Variants in NRG2 observed in about 807,000 individuals in gnomAD.
NRG2 encodes pro-neuregulin-2, membrane-bound isoform.
In NRG2, 27 loss-of-function variants were observed where a neutral mutation model predicts 73.9. The ratio of observed to expected loss-of-function variants is 0.37; its 90% CI spans 0.27 to 0.50. The LOEUF is 0.50. Ranked by LOEUF, NRG2 falls within the 20% of genes least tolerant of loss-of-function variation. NRG2 has a pLI of 0.96. For missense variants in NRG2, 1,126 were observed against 1,210.1 expected (o/e 0.93, Z 1.03); for synonymous variants, 532 against 541.0 (o/e 0.98, Z 0.23).
At chr5:140,013,632 GCAAA>G (rs2126649571) in intron 1 of NRG2, among the ~76,000 whole-genome samples, 1 of 152,236 alleles carries the variant, frequency 6.6e-6, no homozygotes, top group African/African-American at 2.4e-5. Context: ...CACCTTTGTA[GCAAA>G]CTTGCAATAA....
intron 5 of NRG2, chr5:139,861,614 C>A (rs1762148295): frequency 6.7e-6 from 3 of 445,426 alleles, no homozygotes; most frequent in Non-Finnish European, 1.4e-5. Context: ...TGGGGAGTGA[C>A]CTTGACGTTT....
intron 3 of NRG2, among the ~76,000 whole-genome samples, chr5:139,875,104 C>T (rs1049270137): frequency 4.6e-5 from 7 of 152,190 alleles, no homozygotes; most frequent in East Asian, 1.9e-4. Context: ...CTCTGCCTCC[C>T]GGGTTCAAGC....
intron 1 of NRG2, among the ~76,000 whole-genome samples, chr5:139,990,066 G>A (rs957064955): frequency 1.8e-4 from 27 of 151,768 alleles, no homozygotes; most frequent in Admixed American, 3.9e-4. Context: ...GGGATTACAG[G>A]CGTGAGCCAC....
intron 1 of NRG2, among the ~76,000 whole-genome samples, chr5:139,898,054 G>A (rs1315895704): frequency 6.6e-6 from 1 of 152,258 alleles, no homozygotes; most frequent in African/African-American, 2.4e-5. Context: ...ATTGAGCACT[G>A]AGCACATTTC....
Position 139,904,287 on chromosome 5 carries a change from G to A in NRG2, c.701-16776C>T, listed in dbSNP as rs915201375. ...TTCTCCCAGGGAAACCGGGTTTCTG[G>A]GCGCGCGGAGGTGCCCTACCTTTCT... On this transcript the variant is annotated intron_variant, in intron 1 of 9. Coordinates refer to ENST00000361474, the MANE Select transcript of NRG2 (RefSeq NM_004883.3). The surrounding 1 kb of genome is among the most constrained non-coding windows in gnomAD (Gnocchi z 6.0). 10 of 1,583,654 alleles carry A rather than the reference G, an allele frequency of 6.3e-6. No individual in the cohort carries two copies. The Middle Eastern group carries it at 1.3e-3, about 204-fold the overall frequency.
At chr5:140,010,186 T>C (rs1021377502) in intron 1 of NRG2, among the ~76,000 whole-genome samples, 2 of 152,086 alleles carry the variant, frequency 1.3e-5, no homozygotes, top group Non-Finnish European at 2.9e-5. Flanking sequence ...TAATCCCAGC[T>C]ACTTGGGAAA....
At chr5:139,978,204 G>A (rs563196925) in intron 1 of NRG2, among the ~76,000 whole-genome samples, 214 of 152,256 alleles carry the variant, frequency 1.4e-3, no homozygotes, top group African/African-American at 4.9e-3. Context: ...ATCTGACAAA[G>A]GGCTAATATC....
rs748615118 is a variant in NRG2 at position 139,904,425 on chromosome 5, G to A, written c.701-16914C>T. On this transcript the variant is annotated intron_variant, in intron 1 of 9. Transcript: ENST00000361474. This position sits in a 1 kb window ranked among gnomAD's most constrained non-coding sequence, Gnocchi z 6.0. ...TGCACGGGGTCCCAGGCGGTGGGACGGCCTCAGCTCTCCGCTGCCGCGCTG... is the reference window on the plus strand; with the variant it reads ...TGCACGGGGTCCCAGGCGGTGGGACAGCCTCAGCTCTCCGCTGCCGCGCTG... 1.2e-5 allele frequency: 17 copies of A among 1,365,332 alleles called. No individual in the cohort carries two copies. The East Asian group carries it at 2.9e-4, about 24-fold the overall frequency. 84.6% of individuals were successfully genotyped at this position (1,365,332 alleles called of 1,614,324 possible). A position where few individuals can be genotyped will look rare whatever the true frequency, so the allele number is the denominator to read the frequency against.
At chr5:139,884,010 TC>T (rs1425856166) in intron 2 of NRG2, among the ~76,000 whole-genome samples, 1 of 152,042 alleles carries the variant, frequency 6.6e-6, no homozygotes, top group Non-Finnish European at 1.5e-5. Context: ...GCTAGAACCA[TC>T]CAAAAGGTCT....
rs1316777338 is a variant in NRG2 at position 139,904,542 on chromosome 5, C to T, written c.701-17031G>A. 1 of 502,686 alleles carries T rather than the reference C, an allele frequency of 2.0e-6. No homozygotes were observed. The highest frequency in any genetic ancestry group is 3.5e-6 in the Non-Finnish European group (1 of 286,928). 31.1% of individuals were successfully genotyped at this position (502,686 alleles called of 1,614,324 possible). On this transcript the variant is annotated intron_variant, in intron 1 of 9. Coordinates refer to ENST00000361474, the MANE Select transcript of NRG2 (RefSeq NM_004883.3). The surrounding 1 kb of genome is among the most constrained non-coding windows in gnomAD (Gnocchi z 6.0). ...GGGGGAGGGGAGCAGCGAGCCTTAA[C>T]TCTTCCCCTCCCGCGCCCTCCACCC... is the stretch of plus-strand genomic sequence containing the variant.
At chr5:139,921,511 C>T (rs1751660158) in intron 1 of NRG2, among the ~76,000 whole-genome samples, 1 of 152,090 alleles carries the variant, frequency 6.6e-6, no homozygotes, top group Admixed American at 6.5e-5. Context: ...AATCTTTACA[C>T]CCAGCGGTGC....
intron 1 of NRG2, among the ~76,000 whole-genome samples, chr5:139,999,027 A>C (rs1758236949): frequency 6.6e-6 from 1 of 152,034 alleles, no homozygotes; most frequent in African/African-American, 2.4e-5. Context: ...CCTCAAACAC[A>C]CAACCCTCTA....
chr5:140,014,213 C>A (rs952655706), intron 1 of NRG2, among the ~76,000 whole-genome samples: 1 of 151,050 alleles, frequency 6.6e-6, no homozygotes, highest in Non-Finnish European at 1.5e-5. Flanking sequence ...TGTCTCCAGT[C>A]GCTCAGGTAA....
intron 1 of NRG2, among the ~76,000 whole-genome samples, chr5:139,965,864 G>C (rs978652147): frequency 6.6e-6 from 1 of 152,178 alleles, no homozygotes; most frequent in African/African-American, 2.4e-5. Flanking sequence ...AGAGGGAGAG[G>C]TGTGCTAGCC....
intron 1 of NRG2, among the ~76,000 whole-genome samples, chr5:140,011,381 T>G (rs1451621429): frequency 6.6e-6 from 1 of 152,224 alleles, no homozygotes; most frequent in Non-Finnish European, 1.5e-5. Flanking sequence ...CGCCTAGTAC[T>G]CCTGCCCCTG....
At chr5:139,983,868 A>G (rs1264544520) in intron 1 of NRG2, among the ~76,000 whole-genome samples, 2 of 152,154 alleles carry the variant, frequency 1.3e-5, no homozygotes, top group Admixed American at 6.5e-5. Flanking sequence ...TCTCATACTG[A>G]AAGCTTTCTT....
chr5:139,969,787 C>A (rs1755838904), intron 1 of NRG2, among the ~76,000 whole-genome samples: 1 of 152,194 alleles, frequency 6.6e-6, no homozygotes, highest in Non-Finnish European at 1.5e-5. Flanking sequence ...GCTTACACTG[C>A]ATTCACCTCT....
At chr5:139,858,286 T>A (rs1465843558) in intron 5 of NRG2, among the ~76,000 whole-genome samples, 2 of 152,198 alleles carry the variant, frequency 1.3e-5, no homozygotes, top group African/African-American at 4.8e-5. Flanking sequence ...ATGATCTCTA[T>A]ACCTGCTGTG....
rs1369338428 is a variant in NRG2, at chr5:139,868,653, C to A, written c.1113-3028G>T. On this transcript the variant is annotated intron_variant, in intron 4 of 9. Transcript: ENST00000361474. This position sits in a 1 kb window ranked among gnomAD's most constrained non-coding sequence, Gnocchi z 4.2. ...CTGCCTTCCCCTTTTCCCACCCCAC[C>A]TCCCGGGCCTCAGTTTCTCCTTTTG... 1.3e-5 allele frequency among the ~76,000 whole-genome samples: 2 copies of A among 152,096 alleles called. No individual in the cohort carries two copies. Among genetic ancestry groups the A allele is most frequent in the Non-Finnish European group, 2.9e-5 (2 of 68,008 alleles).
Sources: allele counts gnomAD v4.1 joint callset (sites outside exome capture counted in the v4.1 genomes callset), GRCh38; gene constraint gnomAD v4.1.1; non-coding constraint Gnocchi (gnomAD v3.1); transcripts MANE v1.5; gene names NCBI Gene and HGNC (gene_info 2026-07-23, HGNC 2026-07-21).